The following NCF4 variants were observed in gnomAD, a reference collection of about 807,000 sequenced individuals.
The protein encoded by NCF4 is neutrophil cytosol factor 4.
In NCF4, 30 loss-of-function variants were observed where a neutral mutation model predicts 41.7. The ratio of observed to expected loss-of-function variants is 0.72; its 90% CI spans 0.54 to 0.97. NCF4 has a LOEUF of 0.97. NCF4 is among the 50% of genes least tolerant of loss of function. The pLI, the probability that NCF4 is intolerant of heterozygous loss-of-function variation, is 0.00. For synonymous variants in NCF4, 195 were observed against 175.8 expected, an observed-to-expected ratio of 1.11 and a Z score of -0.87; for missense variants, 432 against 460.9, an observed-to-expected ratio of 0.94 and a Z score of 0.57.
Position 36,871,517 on chromosome 22 carries a change from T to C in NCF4, c.471-135T>C, listed in dbSNP as rs577060176. ...CAAGTGTGCCCGCCCAGAGGAGCAA[T>C]TGCAGCCACATTTCAGCATCTTCTG... On this transcript the variant is annotated intron_variant, in intron 5 of 9. Transcript: ENST00000248899. The C allele has an allele frequency of 3.7e-3, 3,617 of 975,806 alleles. 4 individuals are homozygous for C. Among genetic ancestry groups the C allele is most frequent in the Middle Eastern group, 6.0e-3 (29 of 4,818 alleles). The allele number at this position is 975,806 out of a possible 1,614,324, so 60.4% of individuals were successfully genotyped here. A position where few individuals can be genotyped will look rare whatever the true frequency, so the allele number is the denominator to read the frequency against.
chr22:36,862,350 T>C (rs968013373), intron 1 of NCF4, among the ~76,000 whole-genome samples: 1 of 152,170 alleles, frequency 6.6e-6, no homozygotes, highest in African/African-American at 2.4e-5. Flanking sequence ...GGAGTCCACG[T>C]GGCCTTCCTG....
chr22:36,874,979 C>G (rs950863035), intron 7 of NCF4, among the ~76,000 whole-genome samples: 1 of 152,164 alleles, frequency 6.6e-6, no homozygotes, highest in Non-Finnish European at 1.5e-5. Context: ...GCGTGTCATT[C>G]CCCATCATAC....
intron 7 of NCF4, 73 bp downstream of exon 7, chr22:36,872,498 T>G (rs1601553630): frequency 2.3e-6 from 3 of 1,307,068 alleles, no homozygotes; most frequent in African/African-American, 1.6e-5. Flanking sequence ...AAGATAGAGG[T>G]GAGGGTGGAA....
At chr22:36,876,356 T>C (rs1940194519) in intron 9 of NCF4, among the ~76,000 whole-genome samples, 1 of 152,174 alleles carries the variant, frequency 6.6e-6, no homozygotes, top group Admixed American at 6.5e-5. Flanking sequence ...CTAAAGTCTC[T>C]CTGGCTAAAA....
At chr22:36,864,872 T>C (rs751592201) in intron 2 of NCF4, 47 bp from the exon 3 acceptor site, 1 of 1,613,140 alleles carries the variant, frequency 6.2e-7, no homozygotes, top group Non-Finnish European at 8.5e-7. Flanking sequence ...CTTTTTGGCT[T>C]GTGCTCCTGG....
At position 36,864,078 on chromosome 22, in the gene NCF4, C is replaced by A; in HGVS notation, c.66C>A (p.Ile22=). The A allele has an allele frequency of 6.2e-7, 1 of 1,614,190 alleles. No individual in the cohort carries two copies. The highest frequency in any genetic ancestry group is 8.5e-7 in the Non-Finnish European group (1 of 1,180,008). The change falls in exon 2 of 10, where the codon ATC becomes ATA. Residue 22 remains isoleucine (I), a synonymous_variant. Coordinates refer to ENST00000248899, the MANE Select transcript of NCF4 (RefSeq NM_000631.5). ...AACAGCTTCCGGATGATGTTGCCAT[C>A]TCGGCCAACATTGCTGACATCGAGG... is the stretch of plus-strand genomic sequence containing the variant. The part of the protein sequence containing the change: ...DFEQLPDDVA[I]SANIADIEEK...
intron 6 of NCF4, chr22:36,872,009 C>G: frequency 1.6e-6 from 1 of 644,440 alleles, no homozygotes; most frequent in Non-Finnish European, 2.8e-6. Context: ...ATGGAAGCTG[C>G]AGAGATGACT....
intron 9 of NCF4, among the ~76,000 whole-genome samples, chr22:36,876,377 T>TG (rs1275054421): frequency 1.3e-5 from 2 of 152,106 alleles, no homozygotes; most frequent in Non-Finnish European, 2.9e-5. Context: ...GCCTTGGACT[T>TG]GAACCATCCA....
At chr22:36,867,905 T>C (rs749246926) in intron 4 of NCF4, among the ~76,000 whole-genome samples, 12 of 152,192 alleles carry the variant, frequency 7.9e-5, no homozygotes, top group Non-Finnish European at 1.8e-4. Flanking sequence ...TCATATAGCA[T>C]CTTTGTGCAA....
rs1177795580 is a variant in NCF4, at chr22:36,870,536, G to A, written c.464G>A (p.Arg155Gln). ...CTCCGCCGGCTCCGCCCGCGCACCC[G>A]GAAAGTGTAAGTGACCAGCCCCTGG... ...QALRRLRPRT[R>Q]KVKSVSPQGN... Residue 155 changes from arginine to glutamine, a missense_variant, in exon 5 of 10, where the codon CGG (arginine) becomes CAG (glutamine). By Grantham distance (43) the Arg-to-Gln change is conservative (BLOSUM62 1). Coordinates refer to ENST00000248899, the MANE Select transcript of NCF4 (RefSeq NM_000631.5). 6.2e-6 allele frequency: 10 copies of A among 1,611,830 alleles called. No homozygotes were observed. The highest frequency in any genetic ancestry group is 3.3e-5 in the South Asian group (3 of 91,084).
chr22:36,861,611 G>A (rs1048225464), intron 1 of NCF4, among the ~76,000 whole-genome samples: 1 of 152,200 alleles, frequency 6.6e-6, no homozygotes, highest in African/African-American at 2.4e-5. Context: ...TGCCTCAAAT[G>A]TCACCTCCTC....
In NCF4 at chr22:36,877,945, C is replaced by T. The variant is rs186232557; in HGVS notation, c.*122C>T. 17 of 943,436 alleles carry T rather than the reference C, an allele frequency of 1.8e-5. No homozygotes were observed. The East Asian group carries it at 2.6e-4, about 15-fold the overall frequency. The allele number at this position is 943,436 out of a possible 1,614,324, so 58.4% of individuals were successfully genotyped here. A position where few individuals can be genotyped will look rare whatever the true frequency, so the allele number is the denominator to read the frequency against. ...TTCCTGTCTTTGAGGCTAATGGACC[C>T]GTGGGGCTTGTAATCTGTCTCTTTC... On this transcript the variant is annotated 3_prime_UTR_variant, in exon 10 of 10. Coordinates refer to ENST00000248899, the MANE Select transcript of NCF4 (RefSeq NM_000631.5).
At chr22:36,875,565 C>G (rs970753591) in intron 7 of NCF4, 88 bp from the exon 8 acceptor site, 10 of 1,266,640 alleles carry the variant, frequency 7.9e-6, no homozygotes, top group East Asian at 7.0e-5. Context: ...CTGCCTTTCC[C>G]CATCACTAGA....
Position 36,870,456 on chromosome 22 carries a change from C to T in NCF4, c.384C>T (p.Asp128=), listed in dbSNP as rs144105468. The T allele has an allele frequency of 6.1e-5, 98 of 1,613,972 alleles. No homozygotes were observed. The African/African-American group carries it at 1.1e-3, about 18-fold the overall frequency. Residue 128 remains aspartate, a synonymous_variant, in exon 5 of 10, where the codon GAC becomes GAT. Transcript: ENST00000248899. ...SLPVWVLMDE[D]VRIFFYQSPY... Reference sequence around the variant, plus strand: ...CGGTCTGGGTGCTGATGGATGAGGACGTCCGGATCTTCTTTTACCAGTCGC... The same window carrying T: ...CGGTCTGGGTGCTGATGGATGAGGATGTCCGGATCTTCTTTTACCAGTCGC...
At chr22:36,868,094 C>G (rs916464526) in intron 4 of NCF4, among the ~76,000 whole-genome samples, 2 of 152,202 alleles carry the variant, frequency 1.3e-5, no homozygotes, top group African/African-American at 4.8e-5. Flanking sequence ...CCAAGGTGGT[C>G]AGGAAAGGAC....
chr22:36,865,112 A>C lies in NCF4; in HGVS notation c.271+40A>C, dbSNP rs1408360689. 6.2e-7 allele frequency: 1 copy of C among 1,600,756 alleles called. No individual in the cohort carries two copies. The highest frequency in any genetic ancestry group is 1.7e-5 in the Admixed American group (1 of 59,896). On this transcript the variant is annotated intron_variant, in intron 3 of 9. Transcript: ENST00000248899. The surrounding 1 kb of genome is among the most constrained non-coding windows in gnomAD (Gnocchi z 4.3). The stretch of plus-strand genomic sequence containing the variant: ...CCGTCCTGCTGCTGCAGAGCTGCTG[A>C]CTCTCCTTCCTTCCAGGGCCCCTGA...
intron 5 of NCF4, among the ~76,000 whole-genome samples, chr22:36,871,016 C>T (rs1940042744): frequency 1.3e-5 from 2 of 152,224 alleles, no homozygotes; most frequent in Admixed American, 1.3e-4. Context: ...AAAGCCCATC[C>T]TTCCCACCAA....
Position 36,865,755 on chromosome 22 carries a change from G to T in NCF4, c.271+683G>T, listed in dbSNP as rs145688993. 3.9e-4 allele frequency among the ~76,000 whole-genome samples: 60 copies of T among 152,228 alleles called. No homozygotes were observed. The highest frequency in any genetic ancestry group is 1.1e-3 in the African/African-American group (44 of 41,552). On this transcript the variant is annotated intron_variant, in intron 3 of 9. Transcript: ENST00000248899. The surrounding 1 kb of genome is among the most constrained non-coding windows in gnomAD (Gnocchi z 4.3). The stretch of plus-strand genomic sequence containing the variant: ...CTGCAAGTTAGAGACAGGGACAATT[G>T]TCTCCCTTCCCCAAGCCTCAGGGAC...
intron 6 of NCF4, 141 bp from the exon 7 acceptor site, chr22:36,872,186 G>A: frequency 1.3e-6 from 1 of 760,996 alleles, no homozygotes; most frequent in Non-Finnish European, 2.4e-6. Context: ...TAAAAAATGG[G>A]GTGGCCTCAG....
Sources: allele counts gnomAD v4.1 joint callset (sites outside exome capture counted in the v4.1 genomes callset), GRCh38; gene constraint gnomAD v4.1.1; non-coding constraint Gnocchi (gnomAD v3.1); transcripts MANE v1.5; gene names NCBI Gene and HGNC (gene_info 2026-07-23, HGNC 2026-07-21).